The following CDH4 variants were observed in gnomAD, a reference collection of about 807,000 sequenced individuals.
CDH4 encodes the protein cadherin-4.
CDH4 carries 33 observed loss-of-function variants against 86.0 expected under a neutral mutation model. The ratio of observed to expected loss-of-function variants is 0.38; its 90% CI spans 0.29 to 0.51. CDH4 has a LOEUF of 0.51. Ranked by LOEUF, CDH4 falls within the 20% of genes least tolerant of loss-of-function variation. The probability of loss-of-function intolerance (pLI) is 0.86; values close to 1 mark genes in which losing one functional copy is unlikely to be tolerated. For missense variants in CDH4, 1,114 were observed against 1,307.4 expected (o/e 0.85, Z 2.28); for synonymous variants, 555 against 549.4 (o/e 1.01, Z -0.14).
At chr20:61,287,485 A>G (rs962699602) in intron 2 of CDH4, among the ~76,000 whole-genome samples, 4 of 152,070 alleles carry the variant, frequency 2.6e-5, no homozygotes, top group African/African-American at 9.7e-5. Context: ...AAGAAGAAGA[A>G]AAAAGAGTGC....
intron 2 of CDH4, chr20:61,719,763 C>T (rs547989764): frequency 2.6e-5 from 4 of 152,418 alleles, no homozygotes; most frequent in Non-Finnish European, 4.4e-5. Context: ...CCCTGTCTCT[C>T]GTCACTTCCT....
chr20:61,894,783 G>T, intron 7 of CDH4, 127 bp from the exon 8 acceptor site: 3 of 1,025,646 alleles, frequency 2.9e-6, no homozygotes, highest in Non-Finnish European at 4.3e-6. Context: ...CCAGCACACA[G>T]CCCCCAGTGA....
chr20:61,881,923 TACAGAG>T (rs1307695345), intron 7 of CDH4, among the ~76,000 whole-genome samples: 2 of 152,162 alleles, frequency 1.3e-5, no homozygotes, highest in African/African-American at 4.8e-5. Context: ...CCTAAATCCT[TACAGAG>T]GCAGAGGGAG....
intron 2 of CDH4, among the ~76,000 whole-genome samples, chr20:61,440,734 G>A (rs2085310315): frequency 6.6e-6 from 1 of 152,172 alleles, no homozygotes; most frequent in Non-Finnish European, 1.5e-5. Context: ...GGCCCGTGGC[G>A]GGCGCCATGG....
intron 4 of CDH4, among the ~76,000 whole-genome samples, chr20:61,784,854 G>A (rs1244845343): frequency 6.6e-6 from 1 of 152,108 alleles, no homozygotes; most frequent in Non-Finnish European, 1.5e-5. Flanking sequence ...TGCAGCTCTG[G>A]ATGGCGCGAG....
intron 2 of CDH4, among the ~76,000 whole-genome samples, chr20:61,492,213 G>C (rs1336826583): frequency 6.6e-6 from 1 of 152,090 alleles, no homozygotes; most frequent in Non-Finnish European, 1.5e-5. Context: ...TATTGGTGGT[G>C]TTGATATTGT....
intron 1 of CDH4, among the ~76,000 whole-genome samples, chr20:61,254,436 A>G (rs957007060): frequency 2.0e-5 from 3 of 152,086 alleles, no homozygotes; most frequent in Non-Finnish European, 4.4e-5. Flanking sequence ...TGGTCTGAGC[A>G]GAGCCGCCCA....
chr20:61,845,310 C>T (rs995431473), intron 5 of CDH4, among the ~76,000 whole-genome samples: 3 of 152,248 alleles, frequency 2.0e-5, no homozygotes, highest in African/African-American at 4.8e-5. Context: ...CGACGTCTCT[C>T]GCGGCAGAAA....
chr20:61,845,920 T>G (rs1475550513), intron 5 of CDH4, among the ~76,000 whole-genome samples: 2 of 152,238 alleles, frequency 1.3e-5, no homozygotes, highest in East Asian at 1.9e-4. Context: ...TCATTCCATC[T>G]CGCACCAGAA....
At chr20:61,367,868 T>TA (rs2084819605) in intron 2 of CDH4, among the ~76,000 whole-genome samples, 1 of 62,776 alleles carries the variant, frequency 1.6e-5, no homozygotes. Context: ...CTCCAGGATC[T>TA]TTTTTTTTTT....
intron 7 of CDH4, among the ~76,000 whole-genome samples, chr20:61,887,477 GCA>G (rs535276458): frequency 1.3e-3 from 202 of 152,276 alleles, no homozygotes; most frequent in African/African-American, 4.2e-3. Context: ...GTGTATACAC[GCA>G]CACACAGGCA....
chr20:61,589,849 G>A (rs1600786817), intron 2 of CDH4, among the ~76,000 whole-genome samples: 1 of 151,828 alleles, frequency 6.6e-6, no homozygotes, highest in South Asian at 2.1e-4. Flanking sequence ...AGAAAGACAA[G>A]GTTCAGCCCC....
intron 2 of CDH4, among the ~76,000 whole-genome samples, chr20:61,569,039 G>A (rs1261324268): frequency 1.3e-5 from 2 of 152,180 alleles, no homozygotes; most frequent in African/African-American, 2.4e-5. Context: ...GACTGCATGG[G>A]TCATGGGGGC....
chr20:61,712,808 C>G (rs535334668), intron 2 of CDH4, among the ~76,000 whole-genome samples: 1 of 152,300 alleles, frequency 6.6e-6, no homozygotes, highest in South Asian at 2.1e-4. Flanking sequence ...TGGTTCAGAG[C>G]TGGCCCCATG....
chr20:61,934,001 G>GA, intron 14 of CDH4, 55 bp from the exon 15 acceptor site: 1 of 1,591,696 alleles, frequency 6.3e-7, no homozygotes. Context: ...CAGGGTGGAA[G>GA]GGGGGCTGGC....
At chr20:61,653,874 G>A (rs1432604047) in intron 2 of CDH4, among the ~76,000 whole-genome samples, 4 of 133,510 alleles carry the variant, frequency 3.0e-5, no homozygotes, top group Admixed American at 7.5e-5. Flanking sequence ...GATGGCGGCC[G>A]GGCAGAGACG....
At chr20:61,737,543 G>A (rs1352788674) in intron 2 of CDH4, among the ~76,000 whole-genome samples, 2 of 152,126 alleles carry the variant, frequency 1.3e-5, no homozygotes, top group African/African-American at 4.8e-5. Context: ...GTCATCACCT[G>A]GCCACTGACC....
intron 2 of CDH4, among the ~76,000 whole-genome samples, chr20:61,692,271 G>A (rs951501953): frequency 6.6e-6 from 1 of 151,516 alleles, no homozygotes; most frequent in African/African-American, 2.4e-5. Flanking sequence ...CTGTATGTGT[G>A]TCTTTGTGTG....
chr20:61,845,823 C>T (rs1234765465), intron 5 of CDH4, among the ~76,000 whole-genome samples: 7 of 152,250 alleles, frequency 4.6e-5, no homozygotes, highest in African/African-American at 7.2e-5. Context: ...TGCTCGGTTC[C>T]ACCTTCGCTT....
Sources: gnomAD v4.1 joint callset for allele counts (sites outside exome capture counted in the v4.1 genomes callset) on GRCh38, gnomAD v4.1.1 for gene constraint, MANE v1.5 for transcripts, NCBI Gene and HGNC (gene_info 2026-07-23, HGNC 2026-07-21) for gene names.